GATAD2A: variants seen among roughly 807,000 people sequenced by gnomAD.
GATAD2A encodes GATA zinc finger domain containing 2A, also known as transcriptional repressor p66-alpha.
GATAD2A carries 12 observed loss-of-function variants against 68.5 expected under a neutral mutation model. That is an observed-to-expected ratio of 0.18 (90% CI 0.11 to 0.28). GATAD2A has a LOEUF of 0.28. GATAD2A is among the 10% of genes least tolerant of loss of function. The probability of loss-of-function intolerance (pLI) is 1.00; values close to 1 mark genes in which losing one functional copy is unlikely to be tolerated. For synonymous variants in GATAD2A, 410 were observed against 375.3 expected, an observed-to-expected ratio of 1.09 and a Z score of -1.07; for missense variants, 755 against 868.5, an observed-to-expected ratio of 0.87 and a Z score of 1.64.
upstream of GATAD2A, among the ~76,000 whole-genome samples, chr19:19,404,644 G>GCACCACTC (rs1010105628): frequency 2.6e-4 from 39 of 152,138 alleles, no homozygotes; most frequent in Middle Eastern, 6.8e-3. Context: ...TAGCGCCACT[G>GCACCACTC]CACCACTCCA....
rs779971463 is a variant in GATAD2A at position 19,492,680 on chromosome 19, A to G, written c.502A>G (p.Ser168Gly). 7.4e-5 allele frequency: 120 copies of G among 1,614,058 alleles called. No homozygotes were observed. Among genetic ancestry groups the G allele is most frequent in the Non-Finnish European group, 1.0e-4 (120 of 1,180,032 alleles). Residue 168 changes from serine to glycine, a missense_variant, in exon 4 of 12, where the codon AGT becomes GGT. By Grantham distance (56) the Ser-to-Gly change is moderately conservative (BLOSUM62 0). Transcript: ENST00000683918. ...KLVLLKKLRQ[S>G]QIQKEATAQK... is the part of the protein sequence containing the mutation. ...CGTGTTGTTGAAAAAGTTGCGGCAG[A>G]GTCAAATACAAAAGGAAGCCACCGC... is the stretch of plus-strand genomic sequence containing the variant.
At chr19:19,460,437 G>C (rs1284759030) in intron 1 of GATAD2A, among the ~76,000 whole-genome samples, 1 of 152,192 alleles carries the variant, frequency 6.6e-6, no homozygotes, top group African/African-American at 2.4e-5. Context: ...CCTGGACCCC[G>C]TTGTCATCAT....
chr19:19,506,290 C>T lies in GATAD2A; in HGVS notation c.*816C>T, dbSNP rs976177637. 22 of 397,904 alleles carry T rather than the reference C, an allele frequency of 5.5e-5. No homozygotes were observed. Among genetic ancestry groups the T allele is most frequent in the Non-Finnish European group, 8.9e-5 (20 of 225,934 alleles). The allele number at this position is 397,904 out of a possible 1,614,324, so 24.6% of individuals were successfully genotyped here. A position where few individuals can be genotyped will look rare whatever the true frequency, so the allele number is the denominator to read the frequency against. ...GACCCAGCCAGAGAAGCAGGGATTC[C>T]AGAAGCTGCCCATTAAGGGAGAAGG... is the stretch of plus-strand genomic sequence containing the variant. On this transcript the variant is annotated 3_prime_UTR_variant, in exon 12 of 12. Transcript: ENST00000683918.
rs143231216 is a variant in GATAD2A, at chr19:19,406,753, T to A, written c.-7+734T>A. Among the ~76,000 whole-genome samples, 569 of 152,204 alleles carry A rather than the reference T, an allele frequency of 3.7e-3. 4 individuals are homozygous for A. Among genetic ancestry groups the A allele is most frequent in the African/African-American group, 0.013 (533 of 41,540 alleles). On this transcript the variant is annotated intron_variant, in intron 1 of 11. Coordinates refer to ENST00000683918, the MANE Select transcript of GATAD2A (RefSeq NM_001384528.1). ...GATTATTGCCAAGAATCGGAATTGATCACTTCAACAAGGAAAGGCTTATGG... is the reference window on the plus strand; with the variant it reads ...GATTATTGCCAAGAATCGGAATTGAACACTTCAACAAGGAAAGGCTTATGG...
intron 1 of GATAD2A, among the ~76,000 whole-genome samples, chr19:19,444,286 C>A (rs2055438006): frequency 7.3e-6 from 1 of 137,024 alleles, no homozygotes; most frequent in Non-Finnish European, 1.6e-5. Context: ...GTTAGCTGGA[C>A]TTGCACATGA....
chr19:19,462,238 TGCTTCGAGGAGGGAGGA>T (rs1209214451), intron 1 of GATAD2A, among the ~76,000 whole-genome samples: 19 of 152,202 alleles, frequency 1.2e-4, no homozygotes, highest in Non-Finnish European at 7.4e-5. Flanking sequence ...TAGTCCCGCT[TGCTTCGAGGAGGGAGGA>T]GCCACTCCTT....
chr19:19,445,228 G>A (rs1244056823), intron 1 of GATAD2A, among the ~76,000 whole-genome samples: 1 of 152,146 alleles, frequency 6.6e-6, no homozygotes, highest in Non-Finnish European at 1.5e-5. Flanking sequence ...CAGTGTGGTT[G>A]TTTGGGGTCT....
At chr19:19,496,312 C>T in intron 7 of GATAD2A, 93 bp downstream of exon 7, 1 of 1,196,228 alleles carries the variant, frequency 8.4e-7, no homozygotes, top group Non-Finnish European at 1.2e-6. Context: ...GTAGTGTTTC[C>T]CTGGGCTGTG....
chr19:19,392,641 C>T (rs564660877), intron 1 of GATAD2A, among the ~76,000 whole-genome samples: 2 of 151,334 alleles, frequency 1.3e-5, no homozygotes, highest in South Asian at 2.1e-4. Flanking sequence ...CCACCTGCCT[C>T]AGCCTCCCAA....
Position 19,502,895 on chromosome 19 carries a change from T to C in GATAD2A, c.1774+369T>C, listed in dbSNP as rs114241330. ...TTCTCTTTGTGCCGCAGCAAACATC[T>C]TTTTTCTGTCATTGTGCCATCCATG... On this transcript the variant is annotated intron_variant, in intron 11 of 11. Transcript: ENST00000683918. Among the ~76,000 whole-genome samples, 731 of 152,296 alleles carry C rather than the reference T, an allele frequency of 4.8e-3. 6 individuals are homozygous for C. Among genetic ancestry groups the C allele is most frequent in the South Asian group, 0.041 (198 of 4,826 alleles).
chr19:19,403,708 C>G (rs1348758856), upstream of GATAD2A, among the ~76,000 whole-genome samples: 2 of 152,196 alleles, frequency 1.3e-5, no homozygotes, highest in African/African-American at 2.4e-5. Context: ...TGACATTAAT[C>G]AAGACCCAGG....
intron 1 of GATAD2A, chr19:19,440,298 T>A (rs1339891471): frequency 9.1e-6 from 2 of 218,806 alleles, no homozygotes; most frequent in Non-Finnish European, 1.8e-5. Context: ...TGAGATGGAG[T>A]CTTGCTCTGT....
At position 19,494,285 on chromosome 19, in the gene GATAD2A, C is replaced by G. The variant is rs1413522810; in HGVS notation, c.535-9C>G. On this transcript the variant is annotated splice_polypyrimidine_tract_variant and intron_variant, in intron 4 of 11. Transcript: ENST00000683918. The stretch of plus-strand genomic sequence containing the variant: ...GCCCCTCACCTCCTGGTGTCCTGCT[C>G]TCTTGCAGCCCACAGGTTCTGTTGG... The G allele has an allele frequency of 6.3e-7, 1 of 1,585,572 alleles. No homozygotes were observed.
chr19:19,392,394 G>GTGT (rs1568689082), intron 1 of GATAD2A, among the ~76,000 whole-genome samples: 1 of 109,680 alleles, frequency 9.1e-6, no homozygotes, highest in African/African-American at 3.4e-5. Flanking sequence ...TTGTGTGTGT[G>GTGT]TTTTTTTTTT....
intron 2 of GATAD2A, among the ~76,000 whole-genome samples, chr19:19,490,184 C>T (rs538393371): frequency 8.6e-4 from 131 of 152,260 alleles, no homozygotes; most frequent in African/African-American, 2.9e-3. Context: ...TGAGAAGCTG[C>T]TTCATCAGGG....
chr19:19,432,462 C>T (rs2060274), intron 1 of GATAD2A, among the ~76,000 whole-genome samples: 23,946 of 152,098 alleles, frequency 0.16, 2,010 homozygotes, highest in Middle Eastern at 0.28. Flanking sequence ...CCATCATGCC[C>T]GGCTAATTTT....
intron 2 of GATAD2A, among the ~76,000 whole-genome samples, chr19:19,491,766 T>C (rs1204964957): frequency 6.6e-6 from 1 of 152,180 alleles, no homozygotes; most frequent in Non-Finnish European, 1.5e-5. Context: ...GGCTGCCAGG[T>C]GTGAGGGCTT....
chr19:19,500,977 A>G (rs1201679902), intron 8 of GATAD2A, 141 bp from the exon 9 acceptor site: 1 of 744,674 alleles, frequency 1.3e-6, no homozygotes, highest in Non-Finnish European at 2.2e-6. Flanking sequence ...CCCCATGTCC[A>G]CATGTCATTG....
intron 1 of GATAD2A, chr19:19,441,726 G>T: frequency 1.2e-5 from 2 of 170,032 alleles, no homozygotes; most frequent in South Asian, 9.0e-5. Flanking sequence ...CACAACGCCC[G>T]GCTAATTTTT....
Sources: gnomAD v4.1 joint callset for allele counts (sites outside exome capture counted in the v4.1 genomes callset) on GRCh38, gnomAD v4.1.1 for gene constraint, MANE v1.5 for transcripts, NCBI Gene and HGNC (gene_info 2026-07-23, HGNC 2026-07-21) for gene names.